Variants in WWP2 observed in about 807,000 individuals in gnomAD.
The protein encoded by WWP2 is WW domain containing E3 ubiquitin protein ligase 2.
A neutral mutation model predicts 121.0 loss-of-function variants in WWP2; 57 were observed. That is an observed-to-expected ratio of 0.47 (90% confidence interval 0.38 to 0.59). The LOEUF (loss-of-function observed/expected upper bound fraction) is 0.59, where lower values mean the gene tolerates loss of function less well. Ranked by LOEUF, WWP2 falls within the 20% of genes least tolerant of loss-of-function variation. The probability of loss-of-function intolerance (pLI) is 0.00; values close to 1 mark genes in which losing one functional copy is unlikely to be tolerated. For synonymous variants in WWP2, 449 were observed against 441.3 expected (o/e 1.02, Z -0.22); for missense variants, 962 against 1,158.9 (o/e 0.83, Z 2.47).
At chr16:69,804,761 A>G (rs2056241528) in intron 4 of WWP2, among the ~76,000 whole-genome samples, 1 of 152,140 alleles carries the variant, frequency 6.6e-6, no homozygotes, top group South Asian at 2.1e-4. Flanking sequence ...GTCCTGTCAT[A>G]TGTAAAGTTA....
intron 11 of WWP2, among the ~76,000 whole-genome samples, chr16:69,928,529 G>A (rs1298897607): frequency 6.6e-6 from 1 of 152,156 alleles, no homozygotes; most frequent in Non-Finnish European, 1.5e-5. Context: ...AACAGAGATT[G>A]TTCAGAGCAG....
chr16:69,913,463 C>T (rs1174036414), intron 9 of WWP2, among the ~76,000 whole-genome samples: 2 of 151,946 alleles, frequency 1.3e-5, no homozygotes, highest in African/African-American at 4.8e-5. Context: ...GATTGTGCCA[C>T]TGCGCTCCAG....
chr16:69,939,819 C>T lies in WWP2; in HGVS notation c.2514-22C>T, dbSNP rs761222411. On this transcript the variant is annotated intron_variant, in intron 23 of 23. Coordinates refer to ENST00000359154, the MANE Select transcript of WWP2 (RefSeq NM_001270454.2). ...GCCCTGGCCTCCTAGGGCTGACTGTCGTGCTTCCCCACTCTCAATAGCTTC... is the reference window on the plus strand; with the variant it reads ...GCCCTGGCCTCCTAGGGCTGACTGTTGTGCTTCCCCACTCTCAATAGCTTC... 28 of 1,606,268 alleles carry T rather than the reference C, an allele frequency of 1.7e-5. No homozygotes were observed. In the Admixed American group the frequency reaches 2.0e-4, roughly 12 times the overall value.
chr16:69,772,642 T>C (rs1420576627), intron 1 of WWP2, among the ~76,000 whole-genome samples: 1 of 152,162 alleles, frequency 6.6e-6, no homozygotes, highest in Non-Finnish European at 1.5e-5. Context: ...AGTGGGCTAT[T>C]AGACATTTCT....
chr16:69,895,401 A>T (rs7199881), intron 8 of WWP2, among the ~76,000 whole-genome samples: 5,653 of 152,202 alleles, frequency 0.037, 295 homozygotes, highest in African/African-American at 0.12. Flanking sequence ...TGAATCCTTT[A>T]ATTCTATACT....
At chr16:69,849,468 T>G (rs1323289895) in intron 6 of WWP2, among the ~76,000 whole-genome samples, 3 of 137,968 alleles carry the variant, frequency 2.2e-5, no homozygotes, top group Admixed American at 7.5e-5. Context: ...ATAAGTGTTA[T>G]TTATTTATTT....
intron 2 of WWP2, among the ~76,000 whole-genome samples, chr16:69,794,981 C>G (rs1453722400): frequency 6.6e-6 from 1 of 152,116 alleles, no homozygotes; most frequent in African/African-American, 2.4e-5. Flanking sequence ...TTGGAAAGCT[C>G]TGGCGGGTAG....
chr16:69,782,687 C>T (rs962045762), intron 1 of WWP2, among the ~76,000 whole-genome samples: 2 of 152,160 alleles, frequency 1.3e-5, no homozygotes, highest in Admixed American at 6.6e-5. Flanking sequence ...AAACTAGCCA[C>T]TTTAAATCTT....
chr16:69,921,160 G>A (rs1042234871), intron 10 of WWP2, among the ~76,000 whole-genome samples: 3 of 152,134 alleles, frequency 2.0e-5, no homozygotes, highest in Non-Finnish European at 4.4e-5. Context: ...GAAAAATGTG[G>A]CAGGAATCTT....
At chr16:69,776,775 C>A (rs2055538407) in intron 1 of WWP2, among the ~76,000 whole-genome samples, 1 of 151,562 alleles carries the variant, frequency 6.6e-6, no homozygotes, top group South Asian at 2.1e-4. Context: ...TTGTGGTGAG[C>A]CGAGATTGTG....
At chr16:69,845,557 G>A (rs2057056774) in intron 6 of WWP2, among the ~76,000 whole-genome samples, 1 of 152,104 alleles carries the variant, frequency 6.6e-6, no homozygotes, top group South Asian at 2.1e-4. Flanking sequence ...ACCTGCCCAT[G>A]AAGGTGAAGA....
Position 69,799,021 on chromosome 16 carries a change from C to T in WWP2, c.219-153C>T. ...GCGTTCATTATTATCTAGAGGGTTA[C>T]AGGGTCAGCTTTGAGAGGGGAAAGG... On this transcript the variant is annotated intron_variant, in intron 3 of 23. Transcript: ENST00000359154. The surrounding 1 kb of genome is among the most constrained non-coding windows in gnomAD (Gnocchi z 4.5). 1 of 1,360,292 alleles carries T rather than the reference C, an allele frequency of 7.4e-7. No individual in the cohort carries two copies. Among genetic ancestry groups the T allele is most frequent in the Admixed American group, 2.3e-5 (1 of 42,722 alleles). The allele number at this position is 1,360,292 out of a possible 1,614,324, so 84.3% of individuals were successfully genotyped here. A position where few individuals can be genotyped will look rare whatever the true frequency, so the allele number is the denominator to read the frequency against.
chr16:69,874,442 T>A (rs569269898), intron 7 of WWP2, among the ~76,000 whole-genome samples: 37 of 152,328 alleles, frequency 2.4e-4, no homozygotes, highest in African/African-American at 8.9e-4. Context: ...CGAGATTTAT[T>A]TAGCAGCCTT....
Position 69,925,754 on chromosome 16 carries a change from TG to T in WWP2, c.1234+276del, listed in dbSNP as rs572835690. ...CTAAGAAAAGATGTCCCTGAGCAGC[TG>T]GGGGGCTATTGGCTTTTGGTCTTGA... On this transcript the variant is annotated intron_variant, in intron 11 of 23. Transcript: ENST00000359154. This position sits in a 1 kb window ranked among gnomAD's most constrained non-coding sequence, Gnocchi z 4.0. Among the ~76,000 whole-genome samples, 1 of 152,124 alleles carries T rather than the reference TG, an allele frequency of 6.6e-6. No individual in the cohort carries two copies. The highest frequency in any genetic ancestry group is 6.5e-5 in the Admixed American group (1 of 15,278).
At chr16:69,903,758 A>G (rs1433188936) in intron 8 of WWP2, among the ~76,000 whole-genome samples, 4 of 148,882 alleles carry the variant, frequency 2.7e-5, no homozygotes. Context: ...CAGAGCAAGA[A>G]TCTGTCTCAA....
chr16:69,848,179 C>G (rs925652853), intron 6 of WWP2, among the ~76,000 whole-genome samples: 1 of 152,172 alleles, frequency 6.6e-6, no homozygotes, highest in Non-Finnish European at 1.5e-5. Context: ...AGTGGCTCAG[C>G]GTGCAGGCTG....
At chr16:69,777,400 A>C (rs1045513253) in intron 1 of WWP2, among the ~76,000 whole-genome samples, 2 of 151,872 alleles carry the variant, frequency 1.3e-5, no homozygotes, top group African/African-American at 2.4e-5. Flanking sequence ...TCCTGGGTTC[A>C]AGCAATTCTC....
rs907869384 is a variant in WWP2 at position 69,940,388 on chromosome 16, T to A, written c.*448T>A. The stretch of plus-strand genomic sequence containing the variant: ...CAAGGGTCTTTGCCAGCAAAGGAGG[T>A]TCTGCCTGTAATTGAGCCTCTCTGA... On this transcript the variant is annotated 3_prime_UTR_variant, in exon 24 of 24. Coordinates refer to ENST00000359154, the MANE Select transcript of WWP2 (RefSeq NM_001270454.2). The A allele has an allele frequency of 1.8e-5, 3 of 162,960 alleles. No homozygotes were observed. The highest frequency in any genetic ancestry group is 7.2e-5 in the African/African-American group (3 of 41,722). The allele number at this position is 162,960 out of a possible 1,614,324, so 10.1% of individuals were successfully genotyped here.
chr16:69,783,780 T>TACAACAACAACA (rs55923742), intron 1 of WWP2, among the ~76,000 whole-genome samples: 6,827 of 149,774 alleles, frequency 0.046, 209 homozygotes, highest in East Asian at 0.11. Flanking sequence ...ACCTTGTTTC[T>TACAACAACAACA]ACAACAACAA....
Sources: gnomAD v4.1 joint callset for allele counts (sites outside exome capture counted in the v4.1 genomes callset) on GRCh38, gnomAD v4.1.1 for gene constraint, Gnocchi (gnomAD v3.1) non-coding constraint, MANE v1.5 for transcripts, NCBI Gene and HGNC (gene_info 2026-07-23, HGNC 2026-07-21) for gene names.